Variants in SP3 observed in about 807,000 individuals in gnomAD.
The protein encoded by SP3 is Sp3 transcription factor, also known as transcription factor Sp3.
A neutral mutation model predicts 70.3 loss-of-function variants in SP3; 10 were observed. That is an observed-to-expected ratio of 0.14 (90% confidence interval 0.09 to 0.24). The LOEUF is 0.24. SP3 is among the 10% of genes least tolerant of loss of function. SP3 has a pLI of 1.00. For missense variants in SP3, 825 were observed against 914.6 expected (o/e 0.90, Z 1.26); for synonymous variants, 402 against 333.5 (o/e 1.21, Z -2.24).
At chr2:173,910,962 G>A in intron 6 of SP3, among the ~76,000 whole-genome samples, 1 of 152,150 alleles carries the variant, frequency 6.6e-6, no homozygotes, top group Non-Finnish European at 1.5e-5. Flanking sequence ...ATTACCAAAA[G>A]AGAAGACAAA....
At chr2:173,945,110 G>A (rs1690495699) in intron 4 of SP3, among the ~76,000 whole-genome samples, 1 of 152,196 alleles carries the variant, frequency 6.6e-6, no homozygotes, top group African/African-American at 2.4e-5. Flanking sequence ...ACTTCAGGTT[G>A]ATGAAAGTAT....
At position 173,918,691 on chromosome 2, in the gene SP3, T is replaced by G; in HGVS notation, c.1734A>C (p.Val578=). Residue 578 remains valine, a synonymous_variant, in exon 5 of 7, where the codon GTA becomes GTC. Transcript: ENST00000310015. The part of the protein sequence containing the change: ...LNTNDLTHLR[V]QVVDEEGDQQ... ...GGTCCCCTTCTTCATCTACCACCTGTACTCTTAAGTGTGTTAGGTCATTGG... is the reference window on the plus strand; with the variant it reads ...GGTCCCCTTCTTCATCTACCACCTGGACTCTTAAGTGTGTTAGGTCATTGG... The G allele has an allele frequency of 6.2e-7, 1 of 1,613,942 alleles. No homozygotes were observed. The highest frequency in any genetic ancestry group is 1.1e-5 in the South Asian group (1 of 91,074).
chr2:173,939,898 T>C (rs1690317283), intron 4 of SP3, among the ~76,000 whole-genome samples: 1 of 152,122 alleles, frequency 6.6e-6, no homozygotes, highest in Non-Finnish European at 1.5e-5. Flanking sequence ...GAAGTTGTTT[T>C]TTAAGAGAGA....
At chr2:173,958,559 AC>A (rs1690965702) in intron 3 of SP3, among the ~76,000 whole-genome samples, 1 of 150,790 alleles carries the variant, frequency 6.6e-6, no homozygotes, top group South Asian at 2.1e-4. Flanking sequence ...TTATTAAAAT[AC>A]CTGTGAAGCA....
rs1420775356 is a variant in SP3 at position 173,904,335 on chromosome 2, T to C, written c.*5606A>G. Among the ~76,000 whole-genome samples the C allele has an allele frequency of 6.6e-6, 1 of 152,146 alleles. No individual in the cohort carries two copies. Among genetic ancestry groups the C allele is most frequent in the Non-Finnish European group, 1.5e-5 (1 of 68,018 alleles). Reference sequence around the variant, plus strand: ...GGATCAAGTCATCAACTCTATGGTGTTTTACGAGAGAATATACTGTACCTC... The same window carrying C: ...GGATCAAGTCATCAACTCTATGGTGCTTTACGAGAGAATATACTGTACCTC... On this transcript the variant is annotated 3_prime_UTR_variant, in exon 7 of 7. Transcript: ENST00000310015.
At position 173,908,416 on chromosome 2, in the gene SP3, TTCAG is replaced by T. The variant is rs2105450345; in HGVS notation, c.*1521_*1524del. On this transcript the variant is annotated 3_prime_UTR_variant, in exon 7 of 7. Transcript: ENST00000310015. ...TCTTCAAATAAATGCCTGTTTACAA[TTCAG>T]TGTCTAAAATCAAGAATCTAAAAAT... 6.6e-6 allele frequency: 1 copy of T among 152,552 alleles called. No individual in the cohort carries two copies. The highest frequency in any genetic ancestry group is 2.4e-5 in the African/African-American group (1 of 41,536). The allele number at this position is 152,552 out of a possible 1,614,324, so 9.4% of individuals were successfully genotyped here.
rs753208366 is a variant in SP3 at position 173,918,639 on chromosome 2, G to A, written c.1786C>T (p.Arg596Trp). Residue 596 changes from arginine to tryptophan, a missense_variant, in exon 5 of 7, where the codon CGG becomes TGG. By Grantham distance (101) the Arg-to-Trp change is moderately radical. This residue lies in a region of SP3 where 37 missense variants were observed against 66.2 expected (regional missense o/e 0.56). Coordinates refer to ENST00000310015, the MANE Select transcript of SP3 (RefSeq NM_003111.5). Reference protein sequence around the residue: ...DQQHQEGKRLRRVACTCPNCK... With the variant: ...DQQHQEGKRLWRVACTCPNCK... ...TTGGGACAGGTGCAAGCTACCCTCC[G>A]AAGTCTTTTTCCTTCTTGATGTTGT... 1.2e-6 allele frequency: 2 copies of A among 1,613,654 alleles called. No individual in the cohort carries two copies. The highest frequency in any genetic ancestry group is 1.3e-5 in the African/African-American group (1 of 74,974).
At chr2:173,945,217 T>C (rs1173537309) in intron 4 of SP3, among the ~76,000 whole-genome samples, 2 of 152,206 alleles carry the variant, frequency 1.3e-5, no homozygotes, top group East Asian at 3.8e-4. Context: ...TTAAAATTAC[T>C]TTATTTTAAA....
chr2:173,946,468 A>G (rs1222442425), intron 4 of SP3, among the ~76,000 whole-genome samples: 1 of 152,040 alleles, frequency 6.6e-6, no homozygotes, highest in Non-Finnish European at 1.5e-5. Context: ...TTTTAAATCC[A>G]TTTCTGTAAT....
chr2:173,927,289 T>C (rs1277531226), intron 4 of SP3, among the ~76,000 whole-genome samples: 1 of 151,968 alleles, frequency 6.6e-6, no homozygotes, highest in Non-Finnish European at 1.5e-5. Context: ...TTTTTTTTTT[T>C]TTTAAGACAG....
At chr2:173,923,325 T>C (rs554122342) in intron 4 of SP3, among the ~76,000 whole-genome samples, 2 of 151,856 alleles carry the variant, frequency 1.3e-5, no homozygotes, top group Admixed American at 6.6e-5. Flanking sequence ...TGGGCAAGAA[T>C]TGAAGAGAAA....
intron 4 of SP3, among the ~76,000 whole-genome samples, chr2:173,932,678 C>T (rs1013816736): frequency 2.0e-5 from 3 of 152,196 alleles, no homozygotes; most frequent in East Asian, 1.9e-4. Context: ...CCACTGATTA[C>T]GGATCACTGT....
In SP3 at chr2:173,908,662, T is replaced by G. The variant is rs1003398498; in HGVS notation, c.*1279A>C. On this transcript the variant is annotated 3_prime_UTR_variant, in exon 7 of 7. Transcript: ENST00000310015. ...TGAACAGAATTCCAAATTTTTGAAATAGGTGAACTGCTGCAGTTACAGGTA... is the reference window on the plus strand; with the variant it reads ...TGAACAGAATTCCAAATTTTTGAAAGAGGTGAACTGCTGCAGTTACAGGTA... The G allele has an allele frequency of 6.6e-6, 1 of 152,410 alleles. No homozygotes were observed. 9.4% of individuals were successfully genotyped at this position (152,410 alleles called of 1,614,324 possible). A position where few individuals can be genotyped will look rare whatever the true frequency, so the allele number is the denominator to read the frequency against.
Position 173,955,618 on chromosome 2 carries a change from G to A in SP3, c.894C>T (p.Asn298=), listed in dbSNP as rs1417480513. 8 of 1,614,134 alleles carry A rather than the reference G, an allele frequency of 5.0e-6. No homozygotes were observed. Among genetic ancestry groups the A allele is most frequent in the South Asian group, 1.1e-5 (1 of 91,084 alleles). The change falls in exon 4 of 7, where the codon AAC becomes AAT. Residue 298 remains asparagine, a synonymous_variant. Transcript: ENST00000310015. ...AGINADGHLI[N]TGQAMDSSDN... ...CTGAACTATCCATAGCTTGTCCTGT[G>A]TTTATCAAATGTCCGTCGGCATTAA...
chr2:173,924,551 A>C (rs1211161657), intron 4 of SP3, among the ~76,000 whole-genome samples: 2 of 152,234 alleles, frequency 1.3e-5, no homozygotes, highest in Non-Finnish European at 2.9e-5. Flanking sequence ...AAGTGTTTAC[A>C]TATATTAACT....
rs1198460869 is a variant in SP3, at chr2:173,944,515, C to A, written c.1639+10358G>T. Among the ~76,000 whole-genome samples the A allele has an allele frequency of 2.6e-5, 4 of 152,220 alleles. No individual in the cohort carries two copies. The East Asian group carries it at 7.7e-4, about 29-fold the overall frequency. On this transcript the variant is annotated intron_variant, in intron 4 of 6. Coordinates refer to ENST00000310015, the MANE Select transcript of SP3 (RefSeq NM_003111.5). Reference sequence around the variant, plus strand: ...TCCAGCCTGGGTGACAGAGCTAGACCTTGTCTCAAAAAAACTGTTAAGTTG... The same window carrying A: ...TCCAGCCTGGGTGACAGAGCTAGACATTGTCTCAAAAAAACTGTTAAGTTG...
In SP3 at chr2:173,954,962, T is replaced by C; in HGVS notation, c.1550A>G (p.Gln517Arg). The C allele has an allele frequency of 1.2e-6, 2 of 1,614,190 alleles. No homozygotes were observed. Among genetic ancestry groups the C allele is most frequent in the Non-Finnish European group, 1.7e-6 (2 of 1,180,014 alleles). Residue 517 changes from glutamine to arginine, a missense_variant, in exon 4 of 7, where the codon CAG becomes CGG. Physicochemically the swap from Gln to Arg is conservative, Grantham distance 43 (BLOSUM62 1). Around this residue, in one of 4 missense-constraint regions of SP3, gnomAD observed 678 missense variants for 651.6 expected, o/e 1.04. Transcript: ENST00000310015. ...TSTPVSLSTG[Q>R]LPNLQTVTVN... ...TGTAACTGTTTGTAGATTTGGCAAC[T>C]GACCAGTGCTTAGACTAACTGGAGT...
At chr2:173,960,184 A>G (rs1411439743) in intron 3 of SP3, among the ~76,000 whole-genome samples, 1 of 152,124 alleles carries the variant, frequency 6.6e-6, no homozygotes, top group Non-Finnish European at 1.5e-5. Flanking sequence ...CAAACAAAAC[A>G]CCATCTAACA....
Position 173,909,638 on chromosome 2 carries a change from G to A in SP3, c.*303C>T, listed in dbSNP as rs140272286. 5.5e-3 allele frequency: 1,239 copies of A among 223,358 alleles called. 4 individuals carry two copies. Among genetic ancestry groups the A allele is most frequent in the Non-Finnish European group, 7.7e-3 (853 of 111,370 alleles). 13.8% of individuals were successfully genotyped at this position (223,358 alleles called of 1,614,324 possible). A position where few individuals can be genotyped will look rare whatever the true frequency, so the allele number is the denominator to read the frequency against. ...TCTCATTTTTACACTAAACCACACA[G>A]GATTGATGCATTTGGTTAGACTACC... On this transcript the variant is annotated 3_prime_UTR_variant, in exon 7 of 7. Transcript: ENST00000310015.
Sources: gnomAD v4.1 joint callset for allele counts (sites outside exome capture counted in the v4.1 genomes callset) on GRCh38, gnomAD v4.1.1 for gene constraint, gnomAD v4.1.1 regional missense constraint, MANE v1.5 for transcripts, NCBI Gene and HGNC (gene_info 2026-07-23, HGNC 2026-07-21) for gene names.